Variants in CACNA1A observed in about 807,000 individuals in gnomAD.
The protein encoded by CACNA1A is calcium voltage-gated channel subunit alpha1 A, also known as voltage-dependent P/Q-type calcium channel subunit alpha-1A.
In CACNA1A, 57 loss-of-function variants were observed where a neutral mutation model predicts 262.4. That is an observed-to-expected ratio of 0.22 (90% CI 0.18 to 0.27). The LOEUF (loss-of-function observed/expected upper bound fraction) is 0.27, where lower values mean the gene tolerates loss of function less well. Among genes scored for constraint, CACNA1A ranks in the 10% least tolerant of loss-of-function variants. CACNA1A has a pLI of 1.00. For missense variants in CACNA1A, 2,526 were observed against 3,562.8 expected (o/e 0.71, Z 7.41); for synonymous variants, 1,431 against 1,419.3 (o/e 1.01, Z -0.18).
At position 13,227,415 on chromosome 19, in the gene CACNA1A, G is replaced by C; in HGVS notation, c.5625+16C>G. ...ACCCAGTGCCTGGACGTCGGTGGTCGGCAAGGGTAGTCTACCTTGTAAGCC... is the reference window on the plus strand; with the variant it reads ...ACCCAGTGCCTGGACGTCGGTGGTCCGCAAGGGTAGTCTACCTTGTAAGCC... On this transcript the variant is annotated intron_variant, in intron 37 of 46. Coordinates refer to ENST00000360228, the MANE Select transcript of CACNA1A (RefSeq NM_001127222.2). 6.8e-7 allele frequency: 1 copy of C among 1,475,276 alleles called. No homozygotes were observed. Among genetic ancestry groups the C allele is most frequent in the Non-Finnish European group, 9.3e-7 (1 of 1,079,276 alleles). 91.4% of individuals were successfully genotyped at this position (1,475,276 alleles called of 1,614,324 possible).
In CACNA1A at chr19:13,207,085, C is replaced by T. The variant is rs899584134; in HGVS notation, c.*228G>A. 1.1e-5 allele frequency: 4 copies of T among 356,330 alleles called. No individual in the cohort carries two copies. The highest frequency in any genetic ancestry group is 5.1e-5 in the Admixed American group (1 of 19,732). 22.1% of individuals were successfully genotyped at this position (356,330 alleles called of 1,614,324 possible). On this transcript the variant is annotated 3_prime_UTR_variant, in exon 47 of 47. Transcript: ENST00000360228. This position sits in a 1 kb window ranked among gnomAD's most constrained non-coding sequence, Gnocchi z 5.7. ...GAGCCCCTGTCGTGGGTGGGGGGAT[C>T]GGGGCTGGTTGGGGGGCGCCGTGGC...
chr19:13,344,239 A>T (rs1332269951), intron 6 of CACNA1A, among the ~76,000 whole-genome samples: 1 of 150,776 alleles, frequency 6.6e-6, no homozygotes, highest in African/African-American at 2.5e-5. Context: ...AAAAAAAAAA[A>T]TTACAAATTA....
chr19:13,462,193 A>C (rs2144983770), intron 1 of CACNA1A, among the ~76,000 whole-genome samples: 1 of 152,108 alleles, frequency 6.6e-6, no homozygotes, highest in African/African-American at 2.4e-5. Context: ...CCCTCATCTC[A>C]TTTCAAGCCT....
intron 10 of CACNA1A, among the ~76,000 whole-genome samples, chr19:13,322,948 C>T (rs1024417577): frequency 2.5e-4 from 38 of 152,174 alleles, no homozygotes; most frequent in African/African-American, 9.2e-4. Flanking sequence ...GGGGTTAGAA[C>T]TTCAACAAAC....
chr19:13,347,946 G>A (rs2058823054), intron 6 of CACNA1A, among the ~76,000 whole-genome samples: 1 of 151,624 alleles, frequency 6.6e-6, no homozygotes, highest in Admixed American at 6.6e-5. Context: ...TTTGAGACAG[G>A]GTCTGGTTCT....
chr19:13,252,964 T>C (rs754613686), intron 30 of CACNA1A, 27 bp downstream of exon 30: 13 of 1,481,596 alleles, frequency 8.8e-6, no homozygotes, highest in Non-Finnish European at 1.1e-5. Context: ...CCCAAGCCCA[T>C]AGCTGTAGCC....
At chr19:13,501,047 G>A (rs140402260) in intron 1 of CACNA1A, among the ~76,000 whole-genome samples, 1 of 152,218 alleles carries the variant, frequency 6.6e-6, no homozygotes, top group East Asian at 1.9e-4. Context: ...TGACTCAAGA[G>A]GGGCACTGTG....
At chr19:13,209,231 T>TA in intron 45 of CACNA1A, 81 bp downstream of exon 45, 1 of 1,403,254 alleles carries the variant, frequency 7.1e-7, no homozygotes, top group Non-Finnish European at 9.4e-7. Context: ...TCTTCTTCCT[T>TA]AGTGTCTCCT....
rs772648220 is a variant in CACNA1A at position 13,214,576 on chromosome 19, G to A, written c.5764C>T (p.Leu1922=). 1 of 1,613,950 alleles carries A rather than the reference G, an allele frequency of 6.2e-7. No individual in the cohort carries two copies. The highest frequency in any genetic ancestry group is 8.5e-7 in the Non-Finnish European group (1 of 1,179,858). ...CAAATCGCCATCATCTCCTTCCGCA[G>A]CTCAGCGTCCATCTGCTGTTTGTCG... ...GADKQQMDAE[L]RKEMMAIWPN... Residue 1922 remains leucine (L), a synonymous_variant, in exon 39 of 47, where the codon CTG becomes TTG. Coordinates refer to ENST00000360228, the MANE Select transcript of CACNA1A (RefSeq NM_001127222.2). This position sits in a 1 kb window ranked among gnomAD's most constrained non-coding sequence, Gnocchi z 4.1.
At position 13,295,684 on chromosome 19, in the gene CACNA1A, G is replaced by C. The variant is rs559663519; in HGVS notation, c.3089+2860C>G. On this transcript the variant is annotated intron_variant, in intron 19 of 46. Coordinates refer to ENST00000360228, the MANE Select transcript of CACNA1A (RefSeq NM_001127222.2). ...TTAAAAAACTTCTTTTGTAGAGATC[G>C]AGGTCTCCTTATGTCGCCCAGGTTG... Among the ~76,000 whole-genome samples, 6 of 151,850 alleles carry C rather than the reference G, an allele frequency of 4.0e-5. No individual in the cohort carries two copies. The South Asian group carries it at 1.3e-3, about 32-fold the overall frequency.
intron 3 of CACNA1A, among the ~76,000 whole-genome samples, chr19:13,397,603 T>C (rs987025830): frequency 6.6e-6 from 1 of 151,926 alleles, no homozygotes; most frequent in Admixed American, 6.6e-5. Flanking sequence ...GGCGCCGCCA[T>C]GTACGCTCTG....
intron 1 of CACNA1A, among the ~76,000 whole-genome samples, chr19:13,503,859 T>C (rs915789695): frequency 1.6e-4 from 24 of 152,176 alleles, no homozygotes; most frequent in African/African-American, 5.5e-4. Flanking sequence ...GGCCAGAGAA[T>C]AGATGAAGTG....
chr19:13,344,913 C>G (rs1471255469), intron 6 of CACNA1A, among the ~76,000 whole-genome samples: 1 of 149,530 alleles, frequency 6.7e-6, no homozygotes, highest in African/African-American at 2.5e-5. Flanking sequence ...CACCACCACG[C>G]TCAGCTAATT....
intron 2 of CACNA1A, among the ~76,000 whole-genome samples, chr19:13,453,635 C>T (rs1381169445): frequency 6.6e-6 from 1 of 152,214 alleles, no homozygotes; most frequent in African/African-American, 2.4e-5. Context: ...TGGCCAGTAT[C>T]CTCACCTCCA....
In CACNA1A at chr19:13,214,486, G is replaced by A. The variant is rs756095565; in HGVS notation, c.5839+15C>T. On this transcript the variant is annotated intron_variant, in intron 39 of 46. Transcript: ENST00000360228. The surrounding 1 kb of genome is among the most constrained non-coding windows in gnomAD (Gnocchi z 4.1). ...TCCTGGTGGATTGGATCCCAGGGCT[G>A]GGCTCAGCTCTTACACTTGTGAGGT... 4.4e-5 allele frequency: 70 copies of A among 1,603,396 alleles called. No homozygotes were observed. Among genetic ancestry groups the A allele is most frequent in the Non-Finnish European group, 5.8e-5 (68 of 1,170,914 alleles).
intron 1 of CACNA1A, among the ~76,000 whole-genome samples, chr19:13,501,172 A>T (rs570381668): frequency 8.1e-5 from 12 of 148,502 alleles, no homozygotes; most frequent in African/African-American, 2.2e-4. Flanking sequence ...ATTTTGCTAC[A>T]AATAAATTAT....
chr19:13,352,551 T>C (rs2058932175), intron 6 of CACNA1A, among the ~76,000 whole-genome samples: 1 of 152,220 alleles, frequency 6.6e-6, no homozygotes, highest in Admixed American at 6.5e-5. Context: ...TATATTTTCA[T>C]ATTTGTACCT....
At chr19:13,310,883 C>A (rs2058021551) in intron 12 of CACNA1A, among the ~76,000 whole-genome samples, 1 of 151,698 alleles carries the variant, frequency 6.6e-6, no homozygotes, top group Admixed American at 6.6e-5. Flanking sequence ...CTCTGCCTCC[C>A]CAGTTCAAGT....
At chr19:13,216,581 G>A (rs574592147) in intron 38 of CACNA1A, among the ~76,000 whole-genome samples, 1 of 152,146 alleles carries the variant, frequency 6.6e-6, no homozygotes, top group African/African-American at 2.4e-5. Flanking sequence ...GCCTGCCTCG[G>A]CCTCCCAAAG....
Sources: gnomAD v4.1 joint callset for allele counts (sites outside exome capture counted in the v4.1 genomes callset) on GRCh38, gnomAD v4.1.1 for gene constraint, Gnocchi (gnomAD v3.1) non-coding constraint, MANE v1.5 for transcripts, NCBI Gene and HGNC (gene_info 2026-07-23, HGNC 2026-07-21) for gene names.